Variants in IQGAP2 observed in about 807,000 individuals in gnomAD.
The protein encoded by IQGAP2 is IQ motif containing GTPase activating protein 2, also known as ras GTPase-activating-like protein IQGAP2.
A neutral mutation model predicts 201.3 loss-of-function variants in IQGAP2; 173 were observed. The observed-to-expected ratio is 0.86, with a 90% CI of 0.76 to 0.98. The LOEUF (loss-of-function observed/expected upper bound fraction) is 0.98, where lower values mean the gene tolerates loss of function less well. Ranked by LOEUF, IQGAP2 falls within the 50% of genes least tolerant of loss-of-function variation. The pLI, the probability that IQGAP2 is intolerant of heterozygous loss-of-function variation, is 0.00. For synonymous variants in IQGAP2, 675 were observed against 673.9 expected (o/e 1.00, Z -0.03); for missense variants, 1,687 against 1,864.8 (o/e 0.90, Z 1.76).
Position 76,491,272 on chromosome 5 carries a change from A to C in IQGAP2, c.146+29603A>C, listed in dbSNP as rs186618476. ...TGTTTTGTTTGCTAAACCTTGAAAA[A>C]GTCTTAGTAGATGGAATACAGTGGA... On this transcript the variant is annotated intron_variant, in intron 2 of 35. Transcript: ENST00000274364. Among the ~76,000 whole-genome samples, 283 of 152,274 alleles carry C rather than the reference A, an allele frequency of 1.9e-3. 1 individual carries two copies. Among genetic ancestry groups the C allele is most frequent in the Admixed American group, 2.9e-3 (45 of 15,302 alleles).
chr5:76,430,529 C>G (rs558895438), intron 1 of IQGAP2, among the ~76,000 whole-genome samples: 1 of 152,274 alleles, frequency 6.6e-6, no homozygotes, highest in Admixed American at 6.5e-5. Flanking sequence ...TCCAAGAGAC[C>G]ACGTGGAAGC....
chr5:76,604,341 A>G (rs888817586), intron 11 of IQGAP2, among the ~76,000 whole-genome samples: 1 of 151,616 alleles, frequency 6.6e-6, no homozygotes, highest in Non-Finnish European at 1.5e-5. Context: ...ATAGTATTCC[A>G]TGGTGTATAT....
chr5:76,610,076 CTA>C lies in IQGAP2; in HGVS notation c.1358-906_1358-905del, dbSNP rs869050901. 6.8e-3 allele frequency among the ~76,000 whole-genome samples: 126 copies of C among 18,664 alleles called. 1 individual carries two copies. Among genetic ancestry groups the C allele is most frequent in the African/African-American group, 0.014 (77 of 5,564 alleles). 12.2% of individuals were successfully genotyped at this position (18,664 alleles called of 152,430 possible). A position where few individuals can be genotyped will look rare whatever the true frequency, so the allele number is the denominator to read the frequency against. On this transcript the variant is annotated intron_variant, in intron 12 of 35. Coordinates refer to ENST00000274364, the MANE Select transcript of IQGAP2 (RefSeq NM_006633.5). ...TCTCTCTCTCTCTCTCTCTCTCTCT[CTA>C]TATATATATATATATATATATATAT...
chr5:76,593,275 G>A (rs1000488574), intron 9 of IQGAP2, among the ~76,000 whole-genome samples: 20 of 152,264 alleles, frequency 1.3e-4, no homozygotes, highest in Admixed American at 3.9e-4. Context: ...ATGATTATGC[G>A]ATGATGTTCT....
At chr5:76,466,642 G>T (rs923930000) in intron 2 of IQGAP2, among the ~76,000 whole-genome samples, 21 of 152,172 alleles carry the variant, frequency 1.4e-4, no homozygotes, top group African/African-American at 5.1e-4. Flanking sequence ...TGACTACTCA[G>T]TGTCTACATA....
At chr5:76,613,680 G>A (rs1748610604) in intron 13 of IQGAP2, among the ~76,000 whole-genome samples, 1 of 152,036 alleles carries the variant, frequency 6.6e-6, no homozygotes, top group Non-Finnish European at 1.5e-5. Flanking sequence ...TAAGGGGCGA[G>A]TGATGTCAGT....
In IQGAP2 at chr5:76,668,024, C is replaced by T. The variant is rs185137014; in HGVS notation, c.2680-657C>T. 6.6e-5 allele frequency among the ~76,000 whole-genome samples: 10 copies of T among 151,858 alleles called. No homozygotes were observed. In the South Asian group the frequency reaches 8.3e-4, roughly 13 times the overall value. ...CCTCTTGAGTAGCAGGGACTGCATG[C>T]GCACACCACCACACCCGGCTAATTT... On this transcript the variant is annotated intron_variant, in intron 22 of 35. Coordinates refer to ENST00000274364, the MANE Select transcript of IQGAP2 (RefSeq NM_006633.5).
chr5:76,510,103 T>G (rs1208400716), intron 2 of IQGAP2, among the ~76,000 whole-genome samples: 2 of 151,492 alleles, frequency 1.3e-5, no homozygotes, highest in Non-Finnish European at 2.9e-5. Flanking sequence ...GGATTCAAGT[T>G]ATTCTCCTGC....
chr5:76,702,095 G>A (rs542261303), intron 34 of IQGAP2, among the ~76,000 whole-genome samples: 11 of 152,208 alleles, frequency 7.2e-5, no homozygotes, highest in Non-Finnish European at 1.6e-4. Flanking sequence ...AGGCGTGAGC[G>A]ACTGCGCCTG....
At chr5:76,562,875 GA>G (rs1349259515) in intron 3 of IQGAP2, among the ~76,000 whole-genome samples, 1 of 152,108 alleles carries the variant, frequency 6.6e-6, no homozygotes, top group Non-Finnish European at 1.5e-5. Flanking sequence ...TTTTTCACTT[GA>G]ACTTGTGGCC....
At chr5:76,411,665 T>C (rs1751128269) in intron 1 of IQGAP2, among the ~76,000 whole-genome samples, 1 of 152,186 alleles carries the variant, frequency 6.6e-6, no homozygotes, top group South Asian at 2.1e-4. Flanking sequence ...AAGAAGGCCC[T>C]CACCAGTTGC....
At position 76,562,414 on chromosome 5, in the gene IQGAP2, A is replaced by C. The variant is rs1315122832; in HGVS notation, c.165A>C (p.Leu55Phe). 1 of 1,612,534 alleles carries C rather than the reference A, an allele frequency of 6.2e-7. No homozygotes were observed. The highest frequency in any genetic ancestry group is 8.5e-7 in the Non-Finnish European group (1 of 1,179,392). Residue 55 changes from leucine to phenylalanine, a missense_variant, in exon 3 of 36, where the codon TTA becomes TTC. Transcript: ENST00000274364. ...TCTTTAGGTGGATGGAAGTTTGCTT[A>C]GTTGAAGAATTGCCACCAACCACTG... Reference protein sequence around the residue: ...EEAKRWMEVCLVEELPPTTEL... With the variant: ...EEAKRWMEVCFVEELPPTTEL...
intron 5 of IQGAP2, among the ~76,000 whole-genome samples, chr5:76,587,924 C>T (rs1478927667): frequency 6.9e-6 from 1 of 144,430 alleles, no homozygotes; most frequent in East Asian, 2.0e-4. Context: ...CCAGCCTGGG[C>T]GACAGAGCAA....
chr5:76,509,055 G>GTGTA (rs1001062756), intron 2 of IQGAP2, among the ~76,000 whole-genome samples: 1 of 131,338 alleles, frequency 7.6e-6, no homozygotes, highest in African/African-American at 2.9e-5. Flanking sequence ...GTGTGTGTGT[G>GTGTA]TGTATGTATG....
At chr5:76,419,462 A>G (rs1751601579) in intron 1 of IQGAP2, among the ~76,000 whole-genome samples, 7 of 151,598 alleles carry the variant, frequency 4.6e-5, no homozygotes, top group Admixed American at 3.9e-4. Flanking sequence ...TCAGCCTCCC[A>G]AGTAGCTGGA....
At chr5:76,582,409 C>G (rs1187653540) in intron 5 of IQGAP2, among the ~76,000 whole-genome samples, 1 of 152,134 alleles carries the variant, frequency 6.6e-6, no homozygotes, top group African/African-American at 2.4e-5. Context: ...GAACTGAAAG[C>G]TTGGGTTACG....
rs1438266221 is a variant in IQGAP2 at position 76,419,658 on chromosome 5, TTTTTC to T, written c.46+16082_46+16086del. Among the ~76,000 whole-genome samples the T allele has an allele frequency of 1.4e-4, 20 of 140,980 alleles. No individual in the cohort carries two copies. The South Asian group carries it at 3.7e-3, about 26-fold the overall frequency. 92.5% of individuals were successfully genotyped at this position (140,980 alleles called of 152,430 possible). On this transcript the variant is annotated intron_variant, in intron 1 of 35. Coordinates refer to ENST00000274364, the MANE Select transcript of IQGAP2 (RefSeq NM_006633.5). ...TGTCCTCACTAGGGTATTCTTTTTC[TTTTTC>T]TTTTCTTTTCTTTTTTTTTTTTTGT...
intron 13 of IQGAP2, among the ~76,000 whole-genome samples, chr5:76,625,761 C>T (rs1017103932): frequency 2.0e-5 from 3 of 152,202 alleles, no homozygotes; most frequent in African/African-American, 7.2e-5. Context: ...CTCCTTCCTG[C>T]CCCCATCCAT....
chr5:76,522,473 G>T (rs1041055826), intron 2 of IQGAP2, among the ~76,000 whole-genome samples: 21 of 152,194 alleles, frequency 1.4e-4, no homozygotes, highest in African/African-American at 4.8e-4. Flanking sequence ...ATGAGCCACC[G>T]CGCCTGGCCA....
Sources: gnomAD v4.1 joint callset for allele counts (sites outside exome capture counted in the v4.1 genomes callset) on GRCh38, gnomAD v4.1.1 for gene constraint, MANE v1.5 for transcripts, NCBI Gene and HGNC (gene_info 2026-07-23, HGNC 2026-07-21) for gene names.